HEATR4: variants seen among roughly 807,000 people sequenced by gnomAD.
HEATR4 encodes HEAT repeat-containing protein 4.
A neutral mutation model predicts 108.8 loss-of-function variants in HEATR4; 95 were observed. That is an observed-to-expected ratio of 0.87 (90% CI 0.74 to 1.04). The LOEUF (loss-of-function observed/expected upper bound fraction) is 1.04. Among genes scored for constraint, HEATR4 ranks in the 50% least tolerant of loss-of-function variants. The pLI, the probability that HEATR4 is intolerant of heterozygous loss-of-function variation, is 0.00. For synonymous variants in HEATR4, 443 were observed against 459.4 expected (o/e 0.96, Z 0.46); for missense variants, 1,152 against 1,253.8 (o/e 0.92, Z 1.23).
chr14:73,500,132 A>T (rs949011301), intron 12 of HEATR4, among the ~76,000 whole-genome samples: 2 of 152,168 alleles, frequency 1.3e-5, no homozygotes, highest in African/African-American at 4.8e-5. Context: ...CAGGAGGCTG[A>T]GGCAGGAGAA....
At chr14:73,621,026 A>G in the HEATR4 span, among the ~76,000 whole-genome samples, 3 of 151,892 alleles carry the variant, frequency 2.0e-5, no homozygotes, top group Non-Finnish European at 4.4e-5. Context: ...CAACATGATG[A>G]AATGATGAAA....
intron 10 of HEATR4, among the ~76,000 whole-genome samples, chr14:73,503,733 G>T (rs1886630416): frequency 6.6e-6 from 1 of 152,170 alleles, no homozygotes; most frequent in South Asian, 2.1e-4. Context: ...AGCTGCTTCT[G>T]TTCTAGCTAT....
At chr14:73,571,253 G>T in the HEATR4 span, 1 of 154,600 alleles carries the variant, frequency 6.5e-6, no homozygotes. Context: ...CTCTCCTCTT[G>T]GCCTCGAATG....
At chr14:73,632,716 C>T in the HEATR4 span, among the ~76,000 whole-genome samples, 4 of 151,450 alleles carry the variant, frequency 2.6e-5, no homozygotes, top group Non-Finnish European at 4.4e-5. Flanking sequence ...CAGTGGTTTG[C>T]GCCTATAATC....
chr14:73,482,163 A>G lies in HEATR4; in HGVS notation c.2845-3321T>C, dbSNP rs117865209. 7.0e-3 allele frequency among the ~76,000 whole-genome samples: 1,072 copies of G among 152,330 alleles called. 3 individuals carry two copies. Among genetic ancestry groups the G allele is most frequent in the Middle Eastern group, 0.065 (19 of 294 alleles). On this transcript the variant is annotated intron_variant, in intron 17 of 17. Transcript: ENST00000553558. ...CACTTTAGGAGGCCCACGCAGGCAG[A>G]TGACTTGAGGCCAAGAGTTTGAGAC...
chr14:73,518,256 C>G (rs1009900637), intron 5 of HEATR4, among the ~76,000 whole-genome samples: 4 of 151,906 alleles, frequency 2.6e-5, no homozygotes, highest in Non-Finnish European at 1.5e-5. Context: ...GCAACCCTGT[C>G]AGCCAGGTGT....
the HEATR4 span, chr14:73,571,129 G>A: frequency 6.6e-6 from 1 of 152,052 alleles, no homozygotes; most frequent in African/African-American, 2.4e-5. Flanking sequence ...GCCCCCTGCA[G>A]GGCCTGTTCG....
chr14:73,493,753 A>T (rs989150037), intron 16 of HEATR4, among the ~76,000 whole-genome samples: 3 of 152,142 alleles, frequency 2.0e-5, no homozygotes, highest in Admixed American at 2.0e-4. Context: ...CAGGAGGATC[A>T]CTTGAACCTG....
chr14:73,494,608 T>G (rs193042802), intron 16 of HEATR4, among the ~76,000 whole-genome samples: 129 of 152,274 alleles, frequency 8.5e-4, no homozygotes, highest in South Asian at 2.9e-3. Context: ...TGGGGTACAG[T>G]GGTGAGATAT....
At chr14:73,601,241 T>G in the HEATR4 span, among the ~76,000 whole-genome samples, 2 of 152,160 alleles carry the variant, frequency 1.3e-5, no homozygotes, top group Non-Finnish European at 2.9e-5. Flanking sequence ...CCCAAAAATA[T>G]GGATTTGACA....
chr14:73,553,927 T>G lies in HEATR4; in HGVS notation c.-152+4824A>C, dbSNP rs542071674. 1.2e-4 allele frequency among the ~76,000 whole-genome samples: 14 copies of G among 115,714 alleles called. 3 individuals are homozygous for G. Among genetic ancestry groups the G allele is most frequent in the African/African-American group, 3.6e-4 (13 of 35,950 alleles). The allele number at this position is 115,714 out of a possible 152,430, so 75.9% of individuals were successfully genotyped here. ...AAGTGTTACCTGGCCTTCTGAGAAA[T>G]CAGGAGAGAAATAACAGCCAATTTC... is the stretch of plus-strand genomic sequence containing the variant. On this transcript the variant is annotated intron_variant, in intron 1 of 17. Coordinates refer to ENST00000553558, the MANE Select transcript of HEATR4 (RefSeq NM_001220484.1).
Position 73,492,261 on chromosome 14 carries a change from C to T in HEATR4, c.2844+805G>A. On this transcript the variant is annotated intron_variant, in intron 17 of 17. Transcript: ENST00000553558. This position sits in a 1 kb window ranked among gnomAD's most constrained non-coding sequence, Gnocchi z 4.9. ...GCTGAATGCCAGGATGGAGTCCACT[C>T]TCTGCACCTCACCTTGTCCACGTAC... The T allele has an allele frequency of 6.2e-7, 1 of 1,614,040 alleles. No homozygotes were observed. The highest frequency in any genetic ancestry group is 8.5e-7 in the Non-Finnish European group (1 of 1,179,906).
chr14:73,523,894 T>TGA (rs1424344118), intron 2 of HEATR4, among the ~76,000 whole-genome samples: 3 of 152,210 alleles, frequency 2.0e-5, no homozygotes, highest in Non-Finnish European at 4.4e-5. Context: ...GTTAAATATT[T>TGA]GAGACTCTAA....
chr14:73,486,439 C>A (rs767041785), intron 17 of HEATR4, among the ~76,000 whole-genome samples: 1 of 151,896 alleles, frequency 6.6e-6, no homozygotes, highest in Admixed American at 6.6e-5. Context: ...GGCTCACGCC[C>A]GTAATTCCAG....
Position 73,492,637 on chromosome 14 carries a change from C to G in HEATR4, c.2844+429G>C, listed in dbSNP as rs1244749940. The G allele has an allele frequency of 6.2e-7, 1 of 1,613,888 alleles. No homozygotes were observed. Among genetic ancestry groups the G allele is most frequent in the South Asian group, 1.1e-5 (1 of 91,072 alleles). ...CTGGAGAACCTGTAAACGTGGGGGCCCAGTTGACAACAGAAACAGAAGTCC... is the reference window on the plus strand; with the variant it reads ...CTGGAGAACCTGTAAACGTGGGGGCGCAGTTGACAACAGAAACAGAAGTCC... On this transcript the variant is annotated intron_variant, in intron 17 of 17. Transcript: ENST00000553558. This position sits in a 1 kb window ranked among gnomAD's most constrained non-coding sequence, Gnocchi z 4.9.
intron 15 of HEATR4, among the ~76,000 whole-genome samples, chr14:73,495,669 T>C (rs1233710580): frequency 6.6e-6 from 1 of 152,178 alleles, no homozygotes; most frequent in Non-Finnish European, 1.5e-5. Context: ...CTTATGATAT[T>C]GGTTGGAGAT....
the HEATR4 span, chr14:73,569,967 T>C: frequency 6.8e-7 from 1 of 1,469,312 alleles, no homozygotes; most frequent in East Asian, 2.5e-5. Context: ...CGCTTATGTG[T>C]ATGCCCCCCC....
chr14:73,614,919 A>G, the HEATR4 span, among the ~76,000 whole-genome samples: 1 of 151,490 alleles, frequency 6.6e-6, no homozygotes, highest in African/African-American at 2.4e-5. Flanking sequence ...CAACATGGTG[A>G]AACCCCGTCT....
chr14:73,633,346 C>T, the HEATR4 span, among the ~76,000 whole-genome samples: 22 of 152,094 alleles, frequency 1.4e-4, no homozygotes, highest in African/African-American at 4.8e-4. Flanking sequence ...AATTTATGCT[C>T]CCTCCTGAGC....
Sources: allele counts gnomAD v4.1 joint callset (sites outside exome capture counted in the v4.1 genomes callset), GRCh38; gene constraint gnomAD v4.1.1; non-coding constraint Gnocchi (gnomAD v3.1); transcripts MANE v1.5; gene names NCBI Gene and HGNC (gene_info 2026-07-23, HGNC 2026-07-21).